CACNA1D: variants seen among roughly 807,000 people sequenced by gnomAD.
The protein encoded by CACNA1D is voltage-dependent L-type calcium channel subunit alpha-1D.
Under a neutral mutation model 257.1 loss-of-function variants are expected in CACNA1D, and 55 were observed. That is an observed-to-expected ratio of 0.21 (90% CI 0.17 to 0.27). CACNA1D has a LOEUF of 0.27. CACNA1D is among the 10% of genes least tolerant of loss of function. The pLI is 1.00. For synonymous variants in CACNA1D, 980 were observed against 1,014.9 expected, an observed-to-expected ratio of 0.97 and a Z score of 0.65; for missense variants, 1,876 against 2,784.0, an observed-to-expected ratio of 0.67 and a Z score of 7.34.
chr3:53,691,733 T>C (rs1238374383), intron 8 of CACNA1D, among the ~76,000 whole-genome samples: 2 of 66,928 alleles, frequency 3.0e-5, no homozygotes, highest in Non-Finnish European at 5.8e-5. Context: ...ATATATAATA[T>C]ATATATTACA....
chr3:53,596,014 C>T lies in CACNA1D; in HGVS notation c.484-54765C>T, dbSNP rs115534583. Among the ~76,000 whole-genome samples, 1,479 of 152,236 alleles carry T rather than the reference C, an allele frequency of 9.7e-3. 36 individuals are homozygous for T. The highest frequency in any genetic ancestry group is 0.033 in the African/African-American group (1,382 of 41,534). ...CTTTTCAGTTACAGAATTCTGTCATCATTACAGAAACAAGGCTTAGCCACT... is the reference window on the plus strand; with the variant it reads ...CTTTTCAGTTACAGAATTCTGTCATTATTACAGAAACAAGGCTTAGCCACT... On this transcript the variant is annotated intron_variant, in intron 3 of 47. Transcript: ENST00000350061.
At chr3:53,697,422 T>A (rs2094582767) in intron 8 of CACNA1D, among the ~76,000 whole-genome samples, 2 of 152,166 alleles carry the variant, frequency 1.3e-5, no homozygotes. Flanking sequence ...AAGAAATACA[T>A]GAGAAATGGA....
At position 53,666,342 on chromosome 3, in the gene CACNA1D, T is replaced by A; in HGVS notation, c.923T>A (p.Ile308Asn). 1 of 1,613,650 alleles carries A rather than the reference T, an allele frequency of 6.2e-7. No individual in the cohort carries two copies. Among genetic ancestry groups the A allele is most frequent in the East Asian group, 2.2e-5 (1 of 44,874 alleles). The change falls in exon 7 of 48, where the codon ATC becomes AAC. Residue 308 changes from isoleucine to asparagine, a missense_variant. By Grantham distance (149) the Ile-to-Asn change is moderately radical. This residue lies in a region of CACNA1D where 188 missense variants were observed against 390.4 expected (regional missense o/e 0.48). Transcript: ENST00000350061. Reference protein sequence around the residue: ...HKTCFFADSDIVAEEDPAPCA... With the variant: ...HKTCFFADSDNVAEEDPAPCA... Reference sequence around the variant, plus strand: ...AGCCTGTTTGCTCTGTTTGCAGATATCGTAGCTGAAGAGGACCCAGCTCCA... The same window carrying A: ...AGCCTGTTTGCTCTGTTTGCAGATAACGTAGCTGAAGAGGACCCAGCTCCA...
intron 32 of CACNA1D, 84 bp downstream of exon 32, chr3:53,770,636 G>T: frequency 1.5e-6 from 2 of 1,373,354 alleles, no homozygotes; most frequent in South Asian, 1.2e-5. Flanking sequence ...GAGGACCCAG[G>T]CTCCCCCTGT....
At chr3:53,565,868 C>T (rs1473805337) in intron 3 of CACNA1D, among the ~76,000 whole-genome samples, 1 of 152,308 alleles carries the variant, frequency 6.6e-6, no homozygotes, top group East Asian at 1.9e-4. Context: ...TACCCAGAGT[C>T]TCCACTGGGA....
chr3:53,586,929 T>G (rs2107783742), intron 3 of CACNA1D, among the ~76,000 whole-genome samples: 1 of 152,258 alleles, frequency 6.6e-6, no homozygotes, highest in South Asian at 2.1e-4. Flanking sequence ...CCTAACCTTG[T>G]CTGAGGGTAA....
At chr3:53,639,045 A>G (rs553586868) in intron 3 of CACNA1D, among the ~76,000 whole-genome samples, 1 of 152,302 alleles carries the variant, frequency 6.6e-6, no homozygotes, top group Non-Finnish European at 1.5e-5. Flanking sequence ...GTCTCTTCAA[A>G]CCAGAGGGCA....
At chr3:53,675,150 G>A (rs560349750) in intron 8 of CACNA1D, among the ~76,000 whole-genome samples, 1 of 152,296 alleles carries the variant, frequency 6.6e-6, no homozygotes, top group East Asian at 1.9e-4. Flanking sequence ...GTTGGCCCAG[G>A]GGCCAGTGCC....
chr3:53,795,710 C>T (rs546870713), intron 40 of CACNA1D, among the ~76,000 whole-genome samples: 2 of 152,180 alleles, frequency 1.3e-5, no homozygotes, highest in South Asian at 2.1e-4. Flanking sequence ...TTTTTTGATT[C>T]GGTTGTTAAA....
At chr3:53,543,471 T>G (rs923164069) in intron 3 of CACNA1D, among the ~76,000 whole-genome samples, 22 of 152,224 alleles carry the variant, frequency 1.4e-4, no homozygotes, top group Non-Finnish European at 2.8e-4. Context: ...GGGAATCTAT[T>G]GGTATTTATT....
intron 21 of CACNA1D, among the ~76,000 whole-genome samples, chr3:53,741,140 C>T (rs760572022): frequency 5.3e-5 from 8 of 152,136 alleles, no homozygotes; most frequent in Non-Finnish European, 1.0e-4. Context: ...TCCTTATGTG[C>T]TTAGAGTGCT....
intron 3 of CACNA1D, among the ~76,000 whole-genome samples, chr3:53,586,120 G>A (rs901244422): frequency 6.6e-6 from 1 of 152,206 alleles, no homozygotes; most frequent in Non-Finnish European, 1.5e-5. Flanking sequence ...ATGTTGGAAA[G>A]TGACCTCTCC....
intron 7 of CACNA1D, among the ~76,000 whole-genome samples, chr3:53,667,102 TA>T (rs964872428): frequency 2.2e-4 from 33 of 152,264 alleles, no homozygotes; most frequent in African/African-American, 7.7e-4. Flanking sequence ...CACAAAACCT[TA>T]GCTGTCTTCC....
At chr3:53,711,427 A>G (rs1337959461) in intron 9 of CACNA1D, among the ~76,000 whole-genome samples, 1 of 152,220 alleles carries the variant, frequency 6.6e-6, no homozygotes, top group East Asian at 1.9e-4. Context: ...CCCCAGGCAG[A>G]CAGTTAGGTG....
Position 53,766,417 on chromosome 3 carries a change from C to T in CACNA1D, c.3871-3556C>T, listed in dbSNP as rs189253867. 5.9e-5 allele frequency among the ~76,000 whole-genome samples: 9 copies of T among 152,330 alleles called. No homozygotes were observed. In the East Asian group the frequency reaches 1.2e-3, roughly 20 times the overall value. On this transcript the variant is annotated intron_variant, in intron 30 of 47. Transcript: ENST00000350061. ...TAGTCAGAGGGAAGACTGGCTTCTCCGCAATGCCTCGGGTTACCTGGCCCA... is the reference window on the plus strand; with the variant it reads ...TAGTCAGAGGGAAGACTGGCTTCTCTGCAATGCCTCGGGTTACCTGGCCCA...
intron 3 of CACNA1D, among the ~76,000 whole-genome samples, chr3:53,542,598 A>G (rs2092321842): frequency 1.3e-5 from 2 of 151,694 alleles, no homozygotes; most frequent in South Asian, 4.2e-4. Context: ...ATAAATAAAT[A>G]AATAAACAAA....
intron 8 of CACNA1D, among the ~76,000 whole-genome samples, chr3:53,678,761 A>AT (rs2094400091): frequency 6.6e-6 from 1 of 152,172 alleles, no homozygotes; most frequent in African/African-American, 2.4e-5. Flanking sequence ...TGGACTGACT[A>AT]TACCAGAATT....
chr3:53,741,013 A>C (rs561098713), intron 21 of CACNA1D, among the ~76,000 whole-genome samples: 41 of 152,340 alleles, frequency 2.7e-4, no homozygotes, highest in African/African-American at 9.9e-4. Flanking sequence ...ATTTACACAA[A>C]AGGAGCGCCC....
At chr3:53,807,065 G>C (rs995292050) in intron 45 of CACNA1D, among the ~76,000 whole-genome samples, 1 of 152,238 alleles carries the variant, frequency 6.6e-6, no homozygotes, top group African/African-American at 2.4e-5. Flanking sequence ...TGGACAGGAA[G>C]AACATTTCCC....
Sources: gnomAD v4.1 joint callset for allele counts (sites outside exome capture counted in the v4.1 genomes callset) on GRCh38, gnomAD v4.1.1 for gene constraint, gnomAD v4.1.1 regional missense constraint, MANE v1.5 for transcripts, NCBI Gene and HGNC (gene_info 2026-07-23, HGNC 2026-07-21) for gene names.